KIF1B: variants seen among roughly 807,000 people sequenced by gnomAD.
KIF1B encodes the protein kinesin family member 1B.
A neutral mutation model predicts 241.9 loss-of-function variants in KIF1B; 76 were observed. The ratio of observed to expected loss-of-function variants is 0.31; its 90% CI spans 0.26 to 0.38. The LOEUF (loss-of-function observed/expected upper bound fraction) is 0.38, where lower values mean the gene tolerates loss of function less well. Ranked by LOEUF, KIF1B falls within the 10% of genes least tolerant of loss-of-function variation. The pLI is 1.00. For missense variants in KIF1B, 1,622 were observed against 2,271.4 expected (o/e 0.71, Z 5.81); for synonymous variants, 750 against 796.7 (o/e 0.94, Z 0.99).
At chr1:10,270,653 G>A (rs188805138) in intron 7 of KIF1B, among the ~76,000 whole-genome samples, 20 of 152,238 alleles carry the variant, frequency 1.3e-4, no homozygotes, top group Middle Eastern at 3.4e-3. Context: ...GGCTGGGCAC[G>A]GTGGCTCACG....
At chr1:10,372,014 C>G (rs1327472042) in intron 45 of KIF1B, among the ~76,000 whole-genome samples, 2 of 152,212 alleles carry the variant, frequency 1.3e-5, no homozygotes, top group African/African-American at 4.8e-5. Flanking sequence ...AACACACCCT[C>G]TTGTGCATCT....
At chr1:10,353,486 G>A (rs1276102716) in intron 38 of KIF1B, among the ~76,000 whole-genome samples, 1 of 152,106 alleles carries the variant, frequency 6.6e-6, no homozygotes, top group African/African-American at 2.4e-5. Context: ...CAGAGGCTCC[G>A]TCTCTATATC....
intron 1 of KIF1B, among the ~76,000 whole-genome samples, chr1:10,223,568 GACGGAGTCTT>G (rs1646873108): frequency 8.4e-6 from 1 of 119,290 alleles, no homozygotes. Context: ...TTTTTTTTTA[GACGGAGTCTT>G]ACTCTGTCAA....
rs761160015 is a variant in KIF1B at position 10,374,565 on chromosome 1, A to G, written c.5096+100A>G. On this transcript the variant is annotated intron_variant, in intron 46 of 48. Coordinates refer to ENST00000676179, the MANE Select transcript of KIF1B (RefSeq NM_001365951.3). This position sits in a 1 kb window ranked among gnomAD's most constrained non-coding sequence, Gnocchi z 4.3. ...CCTGTGAGGTCTGTACTGTAGTCTG[A>G]TGCAATCTGTACTGTAGTCTGATGC... 8 of 1,355,508 alleles carry G rather than the reference A, an allele frequency of 5.9e-6. No individual in the cohort carries two copies. Among genetic ancestry groups the G allele is most frequent in the Non-Finnish European group, 8.4e-6 (8 of 951,474 alleles). 84.0% of individuals were successfully genotyped at this position (1,355,508 alleles called of 1,614,324 possible).
At chr1:10,298,619 G>T (rs1023515587) in intron 22 of KIF1B, among the ~76,000 whole-genome samples, 16 of 152,212 alleles carry the variant, frequency 1.1e-4, no homozygotes, top group African/African-American at 2.9e-4. Flanking sequence ...GACACAAGAA[G>T]ATGTCTTTTA....
intron 27 of KIF1B, among the ~76,000 whole-genome samples, chr1:10,333,673 CAG>C (rs1652047706): frequency 6.6e-6 from 1 of 151,870 alleles, no homozygotes; most frequent in African/African-American, 2.4e-5. Context: ...GCCTGGGTGA[CAG>C]AGTGAGACTC....
intron 32 of KIF1B, among the ~76,000 whole-genome samples, chr1:10,340,250 T>A (rs897253648): frequency 6.6e-6 from 1 of 152,244 alleles, no homozygotes; most frequent in Non-Finnish European, 1.5e-5. Flanking sequence ...ATACCTTCTG[T>A]AGCTAAATTA....
chr1:10,325,351 C>T (rs1651688636), intron 26 of KIF1B, among the ~76,000 whole-genome samples: 1 of 152,056 alleles, frequency 6.6e-6, no homozygotes, highest in African/African-American at 2.4e-5. Context: ...CCTTCAGCCT[C>T]ATTTTTTTTT....
chr1:10,275,969 A>G (rs1649081992), intron 11 of KIF1B, among the ~76,000 whole-genome samples: 1 of 149,690 alleles, frequency 6.7e-6, no homozygotes, highest in African/African-American at 2.5e-5. Flanking sequence ...GCGGTGGTGC[A>G]ATCTTGGCTC....
At chr1:10,246,707 G>C (rs1647219141) in intron 2 of KIF1B, among the ~76,000 whole-genome samples, 1 of 152,144 alleles carries the variant, frequency 6.6e-6, no homozygotes, top group East Asian at 1.9e-4. Flanking sequence ...TCGTGCCACT[G>C]CACTCTAGCC....
chr1:10,353,161 T>C (rs1652859631), intron 38 of KIF1B, among the ~76,000 whole-genome samples: 1 of 152,186 alleles, frequency 6.6e-6, no homozygotes. Context: ...AAATGTGCCC[T>C]CTGAGATAAA....
chr1:10,257,683 AT>A (rs918855508), intron 3 of KIF1B, among the ~76,000 whole-genome samples: 3 of 149,860 alleles, frequency 2.0e-5, no homozygotes, highest in Admixed American at 6.7e-5. Flanking sequence ...CCTGTTTTGT[AT>A]TTTTTTTTAA....
chr1:10,368,498 G>C lies in KIF1B; in HGVS notation c.4784G>C (p.Arg1595Thr). 6.2e-7 allele frequency: 1 copy of C among 1,614,028 alleles called. No individual in the cohort carries two copies. The highest frequency in any genetic ancestry group is 8.5e-7 in the Non-Finnish European group (1 of 1,179,970). ...CAACTTCTCACCCACACTTTCAACA[G>C]AGAATTCAGCCAGGTGCACGGCAGC... ...CLQLLTHTFN[R>T]EFSQVHGSVS... is the part of the protein sequence containing the mutation. Residue 1595 changes from arginine to threonine, a missense_variant, in exon 44 of 49, where the codon AGA (arginine) becomes ACA (threonine). Physicochemically the swap from Arg to Thr is moderately conservative, Grantham distance 71 (BLOSUM62 -1). This residue lies in a region of KIF1B where 357 missense variants were observed against 409.0 expected (regional missense o/e 0.87). Transcript: ENST00000676179.
Position 10,292,033 on chromosome 1 carries a change from T to A in KIF1B, c.1515-14T>A, listed in dbSNP as rs965885845. 1 of 1,611,064 alleles carries A rather than the reference T, an allele frequency of 6.2e-7. No individual in the cohort carries two copies. The highest frequency in any genetic ancestry group is 2.2e-5 in the East Asian group (1 of 44,842). ...TTTGGTATTAGTGTTCTGATATACC[T>A]GTTTTTTTCCTAGAGAGGCTTTGTT... On this transcript the variant is annotated splice_polypyrimidine_tract_variant and intron_variant, in intron 16 of 48. Transcript: ENST00000676179.
chr1:10,282,560 A>C (rs761352102), intron 15 of KIF1B, 27 bp downstream of exon 15: 1 of 1,562,734 alleles, frequency 6.4e-7, no homozygotes, highest in South Asian at 1.1e-5. Context: ...ACTGAATACA[A>C]GGTATTCTAT....
At chr1:10,221,955 A>G (rs931695192) in intron 1 of KIF1B, among the ~76,000 whole-genome samples, 4 of 152,156 alleles carry the variant, frequency 2.6e-5, no homozygotes, top group South Asian at 4.1e-4. Flanking sequence ...AGCTGGGACT[A>G]CAGGCATGTG....
At chr1:10,288,343 A>G (rs993227404) in intron 15 of KIF1B, among the ~76,000 whole-genome samples, 1 of 152,156 alleles carries the variant, frequency 6.6e-6, no homozygotes, top group Non-Finnish European at 1.5e-5. Flanking sequence ...TCCTTAGGGA[A>G]TTGTGTGGAT....
chr1:10,365,012 A>G lies in KIF1B; in HGVS notation c.4367-88A>G. On this transcript the variant is annotated intron_variant, in intron 41 of 48. Coordinates refer to ENST00000676179, the MANE Select transcript of KIF1B (RefSeq NM_001365951.3). This position sits in a 1 kb window ranked among gnomAD's most constrained non-coding sequence, Gnocchi z 4.0. Reference sequence around the variant, plus strand: ...CAGAGCGAGACTCCATCTCAAAAAAAAAAAAAAAAGAATTATTAATTCGTT... The same window carrying G: ...CAGAGCGAGACTCCATCTCAAAAAAGAAAAAAAAAGAATTATTAATTCGTT... The G allele has an allele frequency of 8.0e-7, 1 of 1,242,982 alleles. No individual in the cohort carries two copies. Among genetic ancestry groups the G allele is most frequent in the South Asian group, 1.3e-5 (1 of 74,512 alleles). 77.0% of individuals were successfully genotyped at this position (1,242,982 alleles called of 1,614,324 possible).
rs1439766925 is a variant in KIF1B, at chr1:10,365,672, G to T, written c.4752+24G>T. 2 of 1,613,632 alleles carry T rather than the reference G, an allele frequency of 1.2e-6. No individual in the cohort carries two copies. Among genetic ancestry groups the T allele is most frequent in the South Asian group, 1.1e-5 (1 of 91,044 alleles). ...AGGTGTGAATCCCTTCCTCTTTGCT[G>T]AACGTCTTCCCACAAGGCTCCACAA... On this transcript the variant is annotated intron_variant, in intron 43 of 48. Transcript: ENST00000676179. This position sits in a 1 kb window ranked among gnomAD's most constrained non-coding sequence, Gnocchi z 4.0.
Sources: gnomAD v4.1 joint callset for allele counts (sites outside exome capture counted in the v4.1 genomes callset) on GRCh38, gnomAD v4.1.1 for gene constraint, gnomAD v4.1.1 regional missense constraint, Gnocchi (gnomAD v3.1) non-coding constraint, MANE v1.5 for transcripts, NCBI Gene and HGNC (gene_info 2026-07-23, HGNC 2026-07-21) for gene names.